Variants in NUBPL observed in about 807,000 individuals in gnomAD.
The protein encoded by NUBPL is iron-sulfur cluster transfer protein NUBPL.
In NUBPL, 31 loss-of-function variants were observed where a neutral mutation model predicts 45.7. The ratio of observed to expected loss-of-function variants is 0.68; its 90% CI spans 0.51 to 0.92. The LOEUF (loss-of-function observed/expected upper bound fraction) is 0.92. Ranked by LOEUF, NUBPL falls within the 40% of genes least tolerant of loss-of-function variation. The pLI is 0.00. For missense variants in NUBPL, 401 were observed against 398.7 expected (o/e 1.01, Z -0.05); for synonymous variants, 144 against 140.9 (o/e 1.02, Z -0.15).
At chr14:31,599,089 A>G (rs2034356283) in intron 3 of NUBPL, 200 bp from the exon 4 acceptor site, 1 of 598,854 alleles carries the variant, frequency 1.7e-6, no homozygotes. Context: ...AAATCGTAAA[A>G]AGTATTGACC....
At chr14:31,614,644 G>T (rs1381179824) in intron 4 of NUBPL, among the ~76,000 whole-genome samples, 1 of 152,120 alleles carries the variant, frequency 6.6e-6, no homozygotes, top group Non-Finnish European at 1.5e-5. Flanking sequence ...AAAATTTTCA[G>T]TTGGGTCAAA....
intron 4 of NUBPL, among the ~76,000 whole-genome samples, chr14:31,614,688 A>G (rs2034849319): frequency 1.3e-5 from 2 of 152,182 alleles, no homozygotes; most frequent in African/African-American, 4.8e-5. Flanking sequence ...ATTTCTGTTT[A>G]TTTAGTAGAC....
intron 4 of NUBPL, among the ~76,000 whole-genome samples, chr14:31,637,031 C>T (rs2035524591): frequency 6.6e-6 from 1 of 152,016 alleles, no homozygotes; most frequent in Admixed American, 6.6e-5. Context: ...TTGATCCTTT[C>T]AGAAACCAGC....
At chr14:31,757,538 G>T (rs980867070) in intron 6 of NUBPL, among the ~76,000 whole-genome samples, 1 of 151,940 alleles carries the variant, frequency 6.6e-6, no homozygotes, top group Non-Finnish European at 1.5e-5. Flanking sequence ...CTGTGGGATC[G>T]GTCTCTTTTC....
intron 4 of NUBPL, among the ~76,000 whole-genome samples, chr14:31,621,556 C>T (rs1381683923): frequency 1.3e-5 from 2 of 152,162 alleles, no homozygotes; most frequent in Non-Finnish European, 2.9e-5. Flanking sequence ...TCCCTTGATC[C>T]CTTGTGCTTC....
At chr14:31,679,053 G>A (rs2036767650) in intron 6 of NUBPL, among the ~76,000 whole-genome samples, 2 of 152,194 alleles carry the variant, frequency 1.3e-5, no homozygotes, top group African/African-American at 4.8e-5. Flanking sequence ...GCCTGGTTCT[G>A]CTTTTTGCTA....
chr14:31,646,878 T>G (rs1007326364), intron 4 of NUBPL, among the ~76,000 whole-genome samples: 2 of 152,132 alleles, frequency 1.3e-5, no homozygotes, highest in Non-Finnish European at 2.9e-5. Context: ...TTCTATATCT[T>G]GTAGGCAATC....
At chr14:31,691,129 G>A (rs1349253931) in intron 6 of NUBPL, among the ~76,000 whole-genome samples, 1 of 152,046 alleles carries the variant, frequency 6.6e-6, no homozygotes, top group African/African-American at 2.4e-5. Context: ...TACTTCTCAT[G>A]GGAAGAGCCA....
chr14:31,808,936 T>C (rs1359634223), intron 7 of NUBPL, among the ~76,000 whole-genome samples: 2 of 152,248 alleles, frequency 1.3e-5, no homozygotes, highest in African/African-American at 4.8e-5. Context: ...TTTGCATATG[T>C]TGGACCAGCC....
intron 6 of NUBPL, among the ~76,000 whole-genome samples, chr14:31,737,332 A>C (rs538354788): frequency 1.0e-3 from 154 of 152,352 alleles, no homozygotes; most frequent in Non-Finnish European, 2.0e-3. Flanking sequence ...ATAAGTGTCA[A>C]GGTTAATTAT....
intron 4 of NUBPL, 67 bp from the exon 5 acceptor site, chr14:31,673,288 A>C (rs535048947): frequency 2.0e-5 from 27 of 1,383,062 alleles, no homozygotes; most frequent in Admixed American, 6.9e-5. Context: ...TGAAAAAAAA[A>C]CCCAATTCAG....
At position 31,562,097 on chromosome 14, in the gene NUBPL, A is replaced by G; in HGVS notation, c.138A>G (p.Lys46=). The G allele has an allele frequency of 6.2e-7, 1 of 1,610,154 alleles. No homozygotes were observed. The highest frequency in any genetic ancestry group is 8.5e-7 in the Non-Finnish European group (1 of 1,177,686). ...QLSGAGSETL[K]QRRTQIMSRG... The stretch of plus-strand genomic sequence containing the variant: ...CTGGCGCCGGGAGTGAGACCCTAAA[A>G]CAAAGAAGAACACAAATCATGTCCC... Residue 46 remains lysine (K), a synonymous_variant, in exon 2 of 11, where the codon AAA becomes AAG. Coordinates refer to ENST00000281081, the MANE Select transcript of NUBPL (RefSeq NM_025152.3).
rs2036429338 is a variant in NUBPL at position 31,666,416 on chromosome 14, C to G, written c.383-6939C>G. Among the ~76,000 whole-genome samples the G allele has an allele frequency of 2.6e-5, 4 of 151,552 alleles. No homozygotes were observed. In the South Asian group the frequency reaches 8.4e-4, roughly 32 times the overall value. ...AGTAGCTGGGACTGCAGGTATGCAC[C>G]ACCATGCCTGGCTAATTTTTATATT... On this transcript the variant is annotated intron_variant, in intron 4 of 10. Coordinates refer to ENST00000281081, the MANE Select transcript of NUBPL (RefSeq NM_025152.3).
chr14:31,764,322 A>G (rs1408873861), intron 6 of NUBPL, among the ~76,000 whole-genome samples: 1 of 152,198 alleles, frequency 6.6e-6, no homozygotes, highest in African/African-American at 2.4e-5. Flanking sequence ...ATTTTCACCA[A>G]GATTACAAGG....
chr14:31,716,130 GTCT>G (rs1157406945), intron 6 of NUBPL, among the ~76,000 whole-genome samples: 1 of 152,040 alleles, frequency 6.6e-6, no homozygotes, highest in Non-Finnish European at 1.5e-5. Context: ...CCACTGAAAG[GTCT>G]TCAGGGACAG....
chr14:31,846,399 T>A, intron 8 of NUBPL, 72 bp from the exon 9 acceptor site: 1 of 1,294,782 alleles, frequency 7.7e-7, no homozygotes. Context: ...AGGCACTCTG[T>A]AAAAATTTGT....
intron 4 of NUBPL, among the ~76,000 whole-genome samples, chr14:31,626,124 C>T (rs180678720): frequency 6.6e-6 from 1 of 152,102 alleles, no homozygotes; most frequent in East Asian, 1.9e-4. Context: ...TTATTACCTC[C>T]ACACCAAAGT....
intron 7 of NUBPL, among the ~76,000 whole-genome samples, chr14:31,808,466 T>G (rs986242797): frequency 9.2e-5 from 14 of 152,220 alleles, no homozygotes; most frequent in Non-Finnish European, 1.3e-4. Flanking sequence ...GCACATTGAT[T>G]TTGTATCCTG....
At chr14:31,716,191 G>A (rs115664311) in intron 6 of NUBPL, among the ~76,000 whole-genome samples, 2,423 of 152,106 alleles carry the variant, frequency 0.016, 81 homozygotes, top group African/African-American at 0.055. Flanking sequence ...GCCTTCTTCT[G>A]GAATACCTTT....
Sources: allele counts gnomAD v4.1 joint callset (sites outside exome capture counted in the v4.1 genomes callset), GRCh38; gene constraint gnomAD v4.1.1; transcripts MANE v1.5; gene names NCBI Gene and HGNC (gene_info 2026-07-23, HGNC 2026-07-21).